Variants in SLC34A3 observed in about 807,000 individuals in gnomAD.
SLC34A3 encodes solute carrier family 34 member 3.
A neutral mutation model predicts 43.9 loss-of-function variants in SLC34A3; 60 were observed. The ratio of observed to expected loss-of-function variants is 1.37; its 90% CI spans 1.11 to 1.70. SLC34A3 has a LOEUF of 1.70. Among genes scored for constraint, SLC34A3 ranks in the 40% most tolerant of loss-of-function variants. The pLI, the probability that SLC34A3 is intolerant of heterozygous loss-of-function variation, is 0.00. For missense variants in SLC34A3, 969 were observed against 823.8 expected (o/e 1.18, Z -2.16); for synonymous variants, 451 against 386.2 (o/e 1.17, Z -1.97).
rs1316727505 is a variant in SLC34A3, at chr9:137,236,487, TC to T, written c.*75del. 1 of 1,340,708 alleles carries T rather than the reference TC, an allele frequency of 7.5e-7. No individual in the cohort carries two copies. The highest frequency in any genetic ancestry group is 1.0e-6 in the Non-Finnish European group (1 of 972,072). The allele number at this position is 1,340,708 out of a possible 1,614,324, so 83.1% of individuals were successfully genotyped here. A position where few individuals can be genotyped will look rare whatever the true frequency, so the allele number is the denominator to read the frequency against. On this transcript the variant is annotated 3_prime_UTR_variant, in exon 13 of 13. Transcript: ENST00000673835. ...GCTCTGGAGGGCCCTGGAGGGGGGGTCCCCGCGGCAGCTGACCTCCGGTCAC... is the reference window on the plus strand; with the variant it reads ...GCTCTGGAGGGCCCTGGAGGGGGGGTCCCGCGGCAGCTGACCTCCGGTCAC...
At position 137,233,661 on chromosome 9, in the gene SLC34A3, C is replaced by T; in HGVS notation, c.785C>T (p.Ala262Val). 1 of 1,612,782 alleles carries T rather than the reference C, an allele frequency of 6.2e-7. No homozygotes were observed. The highest frequency in any genetic ancestry group is 2.2e-5 in the East Asian group (1 of 44,864). ...QLDSDMIMSSATGNATNSSLI... is the reference protein window; with the variant it reads ...QLDSDMIMSSVTGNATNSSLI... ...GACTCCGACATGATCATGAGCAGTG[C>T]CACAGGCAACGCCACTAACAGCAGT... The change falls in exon 8 of 13, where the codon GCC becomes GTC. Residue 262 changes from alanine to valine, a missense_variant. Coordinates refer to ENST00000673835, the MANE Select transcript of SLC34A3 (RefSeq NM_001177316.2).
Position 137,232,614 on chromosome 9 carries a change from G to C in SLC34A3, c.215G>C (p.Ser72Thr). Reference protein sequence around the residue: ...VAGRLRRVAGSVLKACGLLGS... With the variant: ...VAGRLRRVAGTVLKACGLLGS... ...GGCAGGCTGCGCCGCGTGGCCGGCA[G>C]CGTCCTCAAGGCCTGCGGGCTCCTC... Residue 72 changes from serine to threonine, a missense_variant, in exon 4 of 13, where the codon AGC becomes ACC. By Grantham distance (58) the Ser-to-Thr change is moderately conservative. Transcript: ENST00000673835. 3 of 1,612,270 alleles carry C rather than the reference G, an allele frequency of 1.9e-6. No homozygotes were observed. The highest frequency in any genetic ancestry group is 1.7e-6 in the Non-Finnish European group (2 of 1,179,592).
In SLC34A3 at chr9:137,233,713, G is replaced by C; in HGVS notation, c.837G>C (p.Thr279=). 1 of 1,612,494 alleles carries C rather than the reference G, an allele frequency of 6.2e-7. No homozygotes were observed. The highest frequency in any genetic ancestry group is 8.5e-7 in the Non-Finnish European group (1 of 1,179,888). ...TCATTAAGCACTGGTGCGGCACCAC[G>C]GGGCAGCCGGTGAGGCACCCAACCC... ...SSLIKHWCGT[T]GQPTQENSSC... Residue 279 remains threonine (T), a synonymous_variant, in exon 8 of 13, where the codon ACG becomes ACC. Transcript: ENST00000673835.
rs150570831 is a variant in SLC34A3, at chr9:137,233,712, C to G, written c.836C>G (p.Thr279Arg). 50 of 1,612,412 alleles carry G rather than the reference C, an allele frequency of 3.1e-5. No individual in the cohort carries two copies. Among genetic ancestry groups the G allele is most frequent in the Non-Finnish European group, 4.1e-5 (48 of 1,179,896 alleles). Residue 279 changes from threonine (T) to arginine (R), a missense_variant, in exon 8 of 13, where the codon ACG becomes AGG. Coordinates refer to ENST00000673835, the MANE Select transcript of SLC34A3 (RefSeq NM_001177316.2). ...SSLIKHWCGTTGQPTQENSSC... is the reference protein window; with the variant it reads ...SSLIKHWCGTRGQPTQENSSC... ...CTCATTAAGCACTGGTGCGGCACCA[C>G]GGGGCAGCCGGTGAGGCACCCAACC...
chr9:137,232,048 C>T, intron 2 of SLC34A3, 24 bp from the exon 3 acceptor site: 1 of 1,607,146 alleles, frequency 6.2e-7, no homozygotes, highest in Non-Finnish European at 8.5e-7. Flanking sequence ...CTGGAAACAG[C>T]CGTACTCAAT....
chr9:137,232,188 A>C, intron 3 of SLC34A3, 27 bp downstream of exon 3: 9 of 1,599,810 alleles, frequency 5.6e-6, no homozygotes, highest in African/African-American at 2.7e-5. Flanking sequence ...CGGGGGTGGC[A>C]GGCTGGCAGG....
intron 2 of SLC34A3, 108 bp downstream of exon 2, chr9:137,231,895 G>A: frequency 1.7e-6 from 2 of 1,186,006 alleles, no homozygotes; most frequent in Non-Finnish European, 2.5e-6. Flanking sequence ...GGAACCCACA[G>A]GGCTCATGAC....
In SLC34A3 at chr9:137,231,666, C is replaced by G; in HGVS notation, c.-37C>G. ...GACACGCGCGTCCCCCCCAGCAGAT[C>G]TAGACCTGGGCCTGGGTCTGTCCCT... On this transcript the variant is annotated splice_region_variant and 5_prime_UTR_variant, in exon 2 of 13. It adds an upstream start codon to the 5' untranslated region. Transcript: ENST00000673835. 1.9e-6 allele frequency: 3 copies of G among 1,575,252 alleles called. No homozygotes were observed. The highest frequency in any genetic ancestry group is 2.6e-6 in the Non-Finnish European group (3 of 1,146,226).
rs572684831 is a variant in SLC34A3, at chr9:137,232,939, C to G, written c.448+12C>G. On this transcript the variant is annotated intron_variant, in intron 5 of 12. Coordinates refer to ENST00000673835, the MANE Select transcript of SLC34A3 (RefSeq NM_001177316.2). ...GGTGGCTGCTAAGCGTGGGTGCACA[C>G]TCCCTCCCCGGGTGGTGGGGGGGGC... The G allele has an allele frequency of 1.2e-6, 2 of 1,606,210 alleles. No individual in the cohort carries two copies. The highest frequency in any genetic ancestry group is 1.1e-5 in the South Asian group (1 of 90,182).
chr9:137,235,562 C>T (rs1836541959), intron 12 of SLC34A3, among the ~76,000 whole-genome samples: 1 of 152,230 alleles, frequency 6.6e-6, no homozygotes, highest in African/African-American at 2.4e-5. Context: ...TTCTCCCCTC[C>T]TGTGGCCCTG....
intron 1 of SLC34A3, 131 bp from the exon 2 acceptor site, chr9:137,231,533 C>A: frequency 1.5e-6 from 1 of 679,148 alleles, no homozygotes; most frequent in Non-Finnish European, 2.7e-6. Flanking sequence ...GTCACTGAGG[C>A]CTGCAGGGCG....
chr9:137,232,471 C>A, intron 3 of SLC34A3, 104 bp from the exon 4 acceptor site: 1 of 1,497,392 alleles, frequency 6.7e-7, no homozygotes. Context: ...TGGGACCCAG[C>A]CCTGTTGGAG....
Position 137,232,142 on chromosome 9 carries a change from C to A in SLC34A3, c.156C>A (p.Asp52Glu), listed in dbSNP as rs781064068. ...TDPWTLPQLK[D>E]TSQPWKELRV... ...CCTGGACCCTCCCTCAGCTGAAGGA[C>A]ACAAGCCAGCCCTGGAAAGGTGGGT... Residue 52 changes from aspartate to glutamate, a missense_variant, in exon 3 of 13, where the codon GAC becomes GAA. Coordinates refer to ENST00000673835, the MANE Select transcript of SLC34A3 (RefSeq NM_001177316.2). 6.2e-7 allele frequency: 1 copy of A among 1,613,070 alleles called. No homozygotes were observed. Among genetic ancestry groups the A allele is most frequent in the South Asian group, 1.1e-5 (1 of 91,090 alleles).
At position 137,233,727 on chromosome 9, in the gene SLC34A3, G is replaced by C. The variant is rs1173255672; in HGVS notation, c.846+5G>C. 1 of 1,612,150 alleles carries C rather than the reference G, an allele frequency of 6.2e-7. No homozygotes were observed. Among genetic ancestry groups the C allele is most frequent in the Non-Finnish European group, 8.5e-7 (1 of 1,179,794 alleles). On this transcript the variant is annotated splice_donor_5th_base_variant and intron_variant, in intron 8 of 12. Coordinates refer to ENST00000673835, the MANE Select transcript of SLC34A3 (RefSeq NM_001177316.2). ...TGCGGCACCACGGGGCAGCCGGTGAGGCACCCAACCCTAGGCCCTCACTGA... is the reference window on the plus strand; with the variant it reads ...TGCGGCACCACGGGGCAGCCGGTGACGCACCCAACCCTAGGCCCTCACTGA...
In SLC34A3 at chr9:137,234,918, A is replaced by G. The variant is rs539136968; in HGVS notation, c.1335+187A>G. Among the ~76,000 whole-genome samples, 1 of 151,570 alleles carries G rather than the reference A, an allele frequency of 6.6e-6. No individual in the cohort carries two copies. Among genetic ancestry groups the G allele is most frequent in the Admixed American group, 6.6e-5 (1 of 15,250 alleles). ...ACCCCACAGGTCCTGCACACATTTCACACCCTCCCTGCGTCTCCTCCCTTG... is the reference window on the plus strand; with the variant it reads ...ACCCCACAGGTCCTGCACACATTTCGCACCCTCCCTGCGTCTCCTCCCTTG... On this transcript the variant is annotated intron_variant, in intron 12 of 12. Coordinates refer to ENST00000673835, the MANE Select transcript of SLC34A3 (RefSeq NM_001177316.2). The surrounding 1 kb of genome is among the most constrained non-coding windows in gnomAD (Gnocchi z 6.9).
At chr9:137,230,297 C>T (rs531209181), upstream of SLC34A3, among the ~76,000 whole-genome samples, 4 of 152,258 alleles carry the variant, frequency 2.6e-5, no homozygotes, top group South Asian at 2.1e-4. Context: ...GGCTGCCGGC[C>T]GCCGTCGCTG....
Position 137,233,584 on chromosome 9 carries a change from A to T in SLC34A3, c.757-49A>T, listed in dbSNP as rs765907189. ...CCCGCGGGCGCCAGAGCCCCGGGTG[A>T]GTCCTGAGAGAGGGTGCAGCACACC... On this transcript the variant is annotated intron_variant, in intron 7 of 12. Coordinates refer to ENST00000673835, the MANE Select transcript of SLC34A3 (RefSeq NM_001177316.2). The T allele has an allele frequency of 4.4e-6, 7 of 1,589,552 alleles. No homozygotes were observed. In the South Asian group the frequency reaches 7.7e-5, roughly 18 times the overall value.
intron 3 of SLC34A3, 133 bp from the exon 4 acceptor site, chr9:137,232,442 G>C: frequency 7.6e-7 from 1 of 1,322,892 alleles, no homozygotes; most frequent in South Asian, 1.3e-5. Context: ...TGCCCTGGGG[G>C]TTACGGAAGA....
At chr9:137,230,294 G>A (rs1336329775), upstream of SLC34A3, among the ~76,000 whole-genome samples, 1 of 152,154 alleles carries the variant, frequency 6.6e-6, no homozygotes, top group African/African-American at 2.4e-5. Context: ...GGAGGCTGCC[G>A]GCCGCCGTCG....
Sources: gnomAD v4.1 joint callset for allele counts (sites outside exome capture counted in the v4.1 genomes callset) on GRCh38, gnomAD v4.1.1 for gene constraint, Gnocchi (gnomAD v3.1) non-coding constraint, MANE v1.5 for transcripts, NCBI Gene and HGNC (gene_info 2026-07-23, HGNC 2026-07-21) for gene names.